The following GNA12 variants were observed in gnomAD, a reference collection of about 807,000 sequenced individuals.
The protein encoded by GNA12 is guanine nucleotide-binding protein subunit alpha-12.
A neutral mutation model predicts 26.0 loss-of-function variants in GNA12; 9 were observed. The ratio of observed to expected loss-of-function variants is 0.35; its 90% CI spans 0.21 to 0.60. GNA12 has a LOEUF of 0.60. Ranked by LOEUF, GNA12 falls within the 20% of genes least tolerant of loss-of-function variation. GNA12 has a pLI of 0.78. For synonymous variants in GNA12, 264 were observed against 219.6 expected (o/e 1.20, Z -1.79); for missense variants, 405 against 525.8 (o/e 0.77, Z 2.25).
At chr7:2,759,370 C>G (rs1390750230) in intron 2 of GNA12, among the ~76,000 whole-genome samples, 4 of 152,116 alleles carry the variant, frequency 2.6e-5, no homozygotes, top group African/African-American at 7.2e-5. Flanking sequence ...TTCTAAGGGC[C>G]TCCCCCATAT....
intron 1 of GNA12, among the ~76,000 whole-genome samples, chr7:2,797,951 G>A (rs561689540): frequency 7.2e-5 from 11 of 152,256 alleles, no homozygotes; most frequent in African/African-American, 2.6e-4. Context: ...ACCCACTCAT[G>A]ATTTTAAAAA....
At chr7:2,743,973 G>C (rs1247455792) in intron 2 of GNA12, among the ~76,000 whole-genome samples, 1 of 152,152 alleles carries the variant, frequency 6.6e-6, no homozygotes, top group Non-Finnish European at 1.5e-5. Context: ...GGCTGGGGGA[G>C]GGGTACCCAC....
At chr7:2,760,767 G>C (rs1028391475) in intron 2 of GNA12, among the ~76,000 whole-genome samples, 1 of 152,224 alleles carries the variant, frequency 6.6e-6, no homozygotes, top group East Asian at 1.9e-4. Context: ...TCTAGGGACA[G>C]CGTCGAGCTC....
intron 1 of GNA12, among the ~76,000 whole-genome samples, chr7:2,817,412 C>T (rs1178620061): frequency 1.3e-5 from 2 of 152,182 alleles, no homozygotes; most frequent in African/African-American, 2.4e-5. Context: ...CACACCCGGC[C>T]CATACTCCAC....
At chr7:2,757,656 C>T (rs1791367526) in intron 2 of GNA12, among the ~76,000 whole-genome samples, 2 of 152,134 alleles carry the variant, frequency 1.3e-5, no homozygotes, top group South Asian at 2.1e-4. Flanking sequence ...ACATCTGTGC[C>T]GTTTTAAGTT....
rs1450124882 is a variant in GNA12 at position 2,729,655 on chromosome 7, G to GGGGCTCGGGGCAGCAC, written c.*1510_*1525dup. The GGGGCTCGGGGCAGCAC allele has an allele frequency of 6.6e-6, 1 of 152,224 alleles. No individual in the cohort carries two copies. Among genetic ancestry groups the GGGGCTCGGGGCAGCAC allele is most frequent in the African/African-American group, 2.4e-5 (1 of 41,436 alleles). The allele number at this position is 152,224 out of a possible 1,614,324, so 9.4% of individuals were successfully genotyped here. ...CCAAGGGTGAGCTGCAGAGGGGCTC[G>GGGGCTCGGGGCAGCAC]GGGCTCGGGGCAGCACGGCCTCGGG... On this transcript the variant is annotated 3_prime_UTR_variant, in exon 4 of 4. Coordinates refer to ENST00000275364, the MANE Select transcript of GNA12 (RefSeq NM_007353.3).
chr7:2,831,414 T>TC (rs1188713516), intron 1 of GNA12, among the ~76,000 whole-genome samples: 1 of 148,148 alleles, frequency 6.8e-6, no homozygotes, highest in Non-Finnish European at 1.5e-5. Flanking sequence ...CTTTTTTTTT[T>TC]TTTTTTTGAG....
chr7:2,756,043 A>G (rs1028685146), intron 2 of GNA12, among the ~76,000 whole-genome samples: 2 of 152,226 alleles, frequency 1.3e-5, no homozygotes, highest in African/African-American at 4.8e-5. Context: ...CGTTTTCATA[A>G]TACCAACTTT....
At chr7:2,779,759 G>A (rs1008001431) in intron 2 of GNA12, among the ~76,000 whole-genome samples, 39 of 151,646 alleles carry the variant, frequency 2.6e-4, no homozygotes, top group Non-Finnish European at 2.2e-4. Flanking sequence ...CACCACGCCT[G>A]GATAATTTTT....
intron 1 of GNA12, among the ~76,000 whole-genome samples, chr7:2,796,218 G>A (rs965025310): frequency 3.9e-5 from 6 of 152,148 alleles, no homozygotes; most frequent in African/African-American, 1.4e-4. Context: ...TGTCTGAACG[G>A]TACCAAGCCC....
chr7:2,754,271 C>A (rs916102319), intron 2 of GNA12, among the ~76,000 whole-genome samples: 1 of 152,158 alleles, frequency 6.6e-6, no homozygotes, highest in Non-Finnish European at 1.5e-5. Flanking sequence ...TATGTGCCAT[C>A]GGCATGTCCT....
At position 2,780,048 on chromosome 7, in the gene GNA12, GTACATATATATATATATA is replaced by G. The variant is rs1289027432; in HGVS notation, c.525+14862_525+14879del. 3.6e-3 allele frequency among the ~76,000 whole-genome samples: 302 copies of G among 84,698 alleles called. 12 individuals are homozygous for G. Among genetic ancestry groups the G allele is most frequent in the Middle Eastern group, 0.022 (3 of 134 alleles). 55.6% of individuals were successfully genotyped at this position (84,698 alleles called of 152,430 possible). On this transcript the variant is annotated intron_variant, in intron 2 of 3. Coordinates refer to ENST00000275364, the MANE Select transcript of GNA12 (RefSeq NM_007353.3). Reference sequence around the variant, plus strand: ...GTACTAGTTTTTTACACATTTCTGTGTACATATATATATATATATATATATATATATATATATATATAT... The same window carrying G: ...GTACTAGTTTTTTACACATTTCTGTGTATATATATATATATATATATATAT...
At chr7:2,841,142 GTTTTCTTTTTTTCT>G (rs1390763179) in intron 1 of GNA12, among the ~76,000 whole-genome samples, 3 of 152,140 alleles carry the variant, frequency 2.0e-5, no homozygotes, top group African/African-American at 7.2e-5. Flanking sequence ...AGGAGGTTGA[GTTTTCTTTTTTTCT>G]TTTTCTTTTT....
chr7:2,821,291 C>G (rs867609130), intron 1 of GNA12, among the ~76,000 whole-genome samples: 1 of 152,212 alleles, frequency 6.6e-6, no homozygotes, highest in Non-Finnish European at 1.5e-5. Context: ...CAGGGACACG[C>G]TGCCTCCCGT....
intron 1 of GNA12, among the ~76,000 whole-genome samples, chr7:2,835,459 T>C: frequency 6.6e-6 from 1 of 152,168 alleles, no homozygotes; most frequent in Non-Finnish European, 1.5e-5. Context: ...CCAGGTGACA[T>C]TTCCTCCCTG....
chr7:2,738,862 G>A (rs17132624), intron 2 of GNA12, among the ~76,000 whole-genome samples: 16,225 of 152,232 alleles, frequency 0.11, 1,005 homozygotes, highest in Middle Eastern at 0.18. Context: ...TTGCCAGAAT[G>A]TGAAAGTACA....
intron 1 of GNA12, among the ~76,000 whole-genome samples, chr7:2,812,738 T>C (rs1793116068): frequency 7.4e-6 from 1 of 135,992 alleles, no homozygotes; most frequent in African/African-American, 2.6e-5. Flanking sequence ...CCTTCTACGA[T>C]GGTGCTTCAC....
At chr7:2,837,876 G>C (rs1583319575) in intron 1 of GNA12, among the ~76,000 whole-genome samples, 2 of 152,060 alleles carry the variant, frequency 1.3e-5, no homozygotes, top group Admixed American at 6.6e-5. Flanking sequence ...AGTCAAAAGG[G>C]GGGAAAAGAT....
At chr7:2,838,394 T>A (rs1000633842) in intron 1 of GNA12, among the ~76,000 whole-genome samples, 1 of 151,726 alleles carries the variant, frequency 6.6e-6, no homozygotes, top group Non-Finnish European at 1.5e-5. Flanking sequence ...CTAAGTAACA[T>A]AGTGGAACCC....
Sources: gnomAD v4.1 joint callset for allele counts (sites outside exome capture counted in the v4.1 genomes callset) on GRCh38, gnomAD v4.1.1 for gene constraint, MANE v1.5 for transcripts, NCBI Gene and HGNC (gene_info 2026-07-23, HGNC 2026-07-21) for gene names.